Variants in TMPRSS6 observed in about 807,000 individuals in gnomAD.
TMPRSS6 encodes transmembrane serine protease 6.
In TMPRSS6, 67 loss-of-function variants were observed where a neutral mutation model predicts 101.5. The ratio of observed to expected loss-of-function variants is 0.66; its 90% confidence interval spans 0.54 to 0.81. The LOEUF is 0.81. Among genes scored for constraint, TMPRSS6 ranks in the 30% least tolerant of loss-of-function variants. The probability of loss-of-function intolerance (pLI) is 0.00; values close to 1 mark genes in which losing one functional copy is unlikely to be tolerated. For synonymous variants in TMPRSS6, 453 were observed against 464.9 expected (o/e 0.97, Z 0.33); for missense variants, 1,034 against 1,088.7 (o/e 0.95, Z 0.71).
chr22:37,103,738 G>A lies in TMPRSS6; in HGVS notation c.-1-320C>T. ...TACCTAAACACCCACCTCCCTAGAG[G>A]CTGCACCCACAGACAGAACTGAAGT... On this transcript the variant is annotated intron_variant, in intron 1 of 17. Coordinates refer to ENST00000676104, the MANE Select transcript of TMPRSS6 (RefSeq NM_001374504.1). This position sits in a 1 kb window ranked among gnomAD's most constrained non-coding sequence, Gnocchi z 4.4. The A allele has an allele frequency of 1.4e-6, 1 of 715,908 alleles. No individual in the cohort carries two copies. Among genetic ancestry groups the A allele is most frequent in the East Asian group, 2.7e-5 (1 of 37,128 alleles). 44.3% of individuals were successfully genotyped at this position (715,908 alleles called of 1,614,324 possible).
At chr22:37,084,211 T>C in intron 10 of TMPRSS6, 84 bp downstream of exon 10, 1 of 1,224,582 alleles carries the variant, frequency 8.2e-7, no homozygotes, top group South Asian at 1.3e-5. Context: ...GACTTGGGCT[T>C]CCAATGAGGG....
Position 37,070,613 on chromosome 22 carries a change from C to T in TMPRSS6, c.1712G>A (p.Gly571Glu). 2.5e-6 allele frequency: 4 copies of T among 1,613,168 alleles called. No individual in the cohort carries two copies. Among genetic ancestry groups the T allele is most frequent in the Non-Finnish European group, 2.5e-6 (3 of 1,180,014 alleles). ...CCACTCACCCTCGGAGGACACAGCTCCACCAACAATGCGGCTGGAGGGGCC... is the reference window on the plus strand; with the variant it reads ...CCACTCACCCTCGGAGGACACAGCTTCACCAACAATGCGGCTGGAGGGGCC... ...LQGPSSRIVG[G>E]AVSSEGEWPW... Residue 571 changes from glycine to glutamate, a missense_variant, in exon 15 of 18, where the codon GGA (glycine) becomes GAA (glutamate). Transcript: ENST00000676104.
chr22:37,071,571 C>T (rs2146040074), intron 13 of TMPRSS6, among the ~76,000 whole-genome samples: 1 of 152,376 alleles, frequency 6.6e-6, no homozygotes, highest in East Asian at 1.9e-4. Context: ...AATCTTCCTA[C>T]AAGGCAGGAG....
chr22:37,090,770 T>G (rs1386855262), intron 6 of TMPRSS6, among the ~76,000 whole-genome samples: 2 of 151,734 alleles, frequency 1.3e-5, no homozygotes, highest in Non-Finnish European at 2.9e-5. Flanking sequence ...CAGCAGAGGC[T>G]GTAGGATGAT....
intron 13 of TMPRSS6, among the ~76,000 whole-genome samples, chr22:37,072,997 TGATG>T (rs1322917265): frequency 7.6e-6 from 1 of 131,748 alleles, no homozygotes; most frequent in African/African-American, 2.9e-5. Context: ...GATAGATGGA[TGATG>T]GATGGATGAT....
chr22:37,095,864 A>G (rs1929708095), intron 5 of TMPRSS6, 42 bp downstream of exon 5: 2 of 1,610,916 alleles, frequency 1.2e-6, no homozygotes, highest in East Asian at 2.2e-5. Context: ...GTTTCCCCCA[A>G]CCTCATGAGG....
chr22:37,105,809 A>G (rs1454078804), intron 1 of TMPRSS6, among the ~76,000 whole-genome samples: 2 of 152,136 alleles, frequency 1.3e-5, no homozygotes, highest in Non-Finnish European at 2.9e-5. Flanking sequence ...AGCTGGGACT[A>G]CAGGTGCACC....
rs1341249839 is a variant in TMPRSS6, at chr22:37,084,336, A to G, written c.1155T>C (p.Asp385=). 2 of 1,613,758 alleles carry G rather than the reference A, an allele frequency of 1.2e-6. No individual in the cohort carries two copies. Among genetic ancestry groups the G allele is most frequent in the Admixed American group, 3.3e-5 (2 of 59,982 alleles). The stretch of plus-strand genomic sequence containing the variant: ...TCCACTGGCCCTGGGTGCACGGCAA[A>G]TCATACTTCTGCCTCCTCAGTGCAT... ...DAYALRRQKY[D]LPCTQGQWTI... Residue 385 remains aspartate (D), a synonymous_variant, in exon 10 of 18, where the codon GAT becomes GAC. Coordinates refer to ENST00000676104, the MANE Select transcript of TMPRSS6 (RefSeq NM_001374504.1).
chr22:37,099,041 C>T (rs181915405), intron 2 of TMPRSS6, among the ~76,000 whole-genome samples: 83 of 152,326 alleles, frequency 5.4e-4, no homozygotes, highest in Non-Finnish European at 1.1e-3. Flanking sequence ...GTAAGAAAGG[C>T]GTGGCTCTGG....
chr22:37,094,418 GATAGATAGAT>G (rs1246039550), intron 6 of TMPRSS6, among the ~76,000 whole-genome samples: 663 of 150,574 alleles, frequency 4.4e-3, no homozygotes, highest in Middle Eastern at 0.01. Context: ...TAGATAGATA[GATAGATAGAT>G]ATAAACAGAC....
At chr22:37,089,521 C>T (rs944696170) in intron 7 of TMPRSS6, 57 bp downstream of exon 7, 5 of 1,503,492 alleles carry the variant, frequency 3.3e-6, no homozygotes, top group Middle Eastern at 2.1e-4. Flanking sequence ...TTTCAACTCC[C>T]CCATCAACCA....
At chr22:37,085,951 G>A (rs560489984) in intron 8 of TMPRSS6, among the ~76,000 whole-genome samples, 3 of 152,110 alleles carry the variant, frequency 2.0e-5, no homozygotes, top group Admixed American at 6.5e-5. Context: ...AGGTCCAGGC[G>A]AGTGAGGAGG....
rs1160996807 is a variant in TMPRSS6, at chr22:37,089,759, C to T, written c.655G>A (p.Gly219Ser). ...TLGCYRYSYV[G>S]QGQVLRLKGP... Reference sequence around the variant, plus strand: ...TTCAGCCGGAGGACCTGGCCCTGGCCCACGTAGCTGTAGCGGTAACAACCT... The same window carrying T: ...TTCAGCCGGAGGACCTGGCCCTGGCTCACGTAGCTGTAGCGGTAACAACCT... The change falls in exon 7 of 18, where the codon GGC (glycine) becomes AGC (serine). Residue 219 changes from glycine to serine, a missense_variant. Transcript: ENST00000676104. The T allele has an allele frequency of 1.9e-6, 3 of 1,612,462 alleles. No individual in the cohort carries two copies. Among genetic ancestry groups the T allele is most frequent in the South Asian group, 1.1e-5 (1 of 90,792 alleles).
chr22:37,105,658 C>T (rs1042961826), intron 1 of TMPRSS6, among the ~76,000 whole-genome samples: 4 of 152,126 alleles, frequency 2.6e-5, no homozygotes, highest in African/African-American at 9.7e-5. Flanking sequence ...GAGGAGGACA[C>T]CATATTCCCG....
Position 37,066,179 on chromosome 22 carries a change from C to T in TMPRSS6, c.2310G>A (p.Gly770=), listed in dbSNP as rs778842279. 2 of 1,613,168 alleles carry T rather than the reference C, an allele frequency of 1.2e-6. No homozygotes were observed. Among genetic ancestry groups the T allele is most frequent in the Non-Finnish European group, 1.7e-6 (2 of 1,179,990 alleles). Residue 770 remains glycine, a synonymous_variant, in exon 18 of 18, where the codon GGG becomes GGA. Transcript: ENST00000676104. The stretch of plus-strand genomic sequence containing the variant: ...CACAGCCCAGGCCCCAGCTGACCAG[C>T]CCCGCCAGGAACCAGCGGCCACTGA... ...KALSGRWFLA[G]LVSWGLGCGR...
chr22:37,086,138 G>A (rs1220375278), intron 8 of TMPRSS6, 145 bp downstream of exon 8: 4 of 1,100,106 alleles, frequency 3.6e-6, no homozygotes, highest in Non-Finnish European at 5.4e-6. Context: ...GGGGTGGGGA[G>A]TGGAGAGCAG....
Position 37,069,108 on chromosome 22 carries a change from C to A in TMPRSS6, c.2078G>T (p.Cys693Phe), listed in dbSNP as rs766931065. 15 of 1,556,854 alleles carry A rather than the reference C, an allele frequency of 9.6e-6. No individual in the cohort carries two copies. Among genetic ancestry groups the A allele is most frequent in the Non-Finnish European group, 1.3e-5 (15 of 1,154,464 alleles). The change falls in exon 16 of 18, where the codon TGC (cysteine) becomes TTC (phenylalanine). Residue 693 changes from cysteine (C) to phenylalanine (F), a missense_variant. Transcript: ENST00000676104. This position sits in a 1 kb window ranked among gnomAD's most constrained non-coding sequence, Gnocchi z 4.8. ...CAAGGCGCCCCAGCCCGTAATCCAG[C>A]AGTGCAGGCCGGGCTCGAAGAAGTG... is the stretch of plus-strand genomic sequence containing the variant. ...RSHFFEPGLH[C>F]WITGWGALRE...
intron 6 of TMPRSS6, among the ~76,000 whole-genome samples, chr22:37,091,486 C>T (rs1213588553): frequency 1.3e-5 from 2 of 152,088 alleles, no homozygotes; most frequent in Non-Finnish European, 2.9e-5. Context: ...GGGAGGGGCA[C>T]TACCCTCCCC....
intron 2 of TMPRSS6, among the ~76,000 whole-genome samples, chr22:37,102,495 A>G (rs530680771): frequency 4.6e-5 from 7 of 152,232 alleles, no homozygotes; most frequent in Middle Eastern, 3.2e-3. Context: ...ATCTTAGAGA[A>G]AGATAATAGA....
Sources: gnomAD v4.1 joint callset for allele counts (sites outside exome capture counted in the v4.1 genomes callset) on GRCh38, gnomAD v4.1.1 for gene constraint, Gnocchi (gnomAD v3.1) non-coding constraint, MANE v1.5 for transcripts, NCBI Gene and HGNC (gene_info 2026-07-23, HGNC 2026-07-21) for gene names.